Variants in RIN3 observed in about 807,000 individuals in gnomAD.
RIN3 encodes the protein RAB5 interacting protein 3.
Under a neutral mutation model 76.3 loss-of-function variants are expected in RIN3, and 54 were observed. The observed-to-expected ratio is 0.71, with a 90% CI of 0.57 to 0.89. The LOEUF (loss-of-function observed/expected upper bound fraction) is 0.89, where lower values mean the gene tolerates loss of function less well. Ranked by LOEUF, RIN3 falls within the 40% of genes least tolerant of loss-of-function variation. The pLI is 0.00. For missense variants in RIN3, 1,256 were observed against 1,322.1 expected, an observed-to-expected ratio of 0.95 and a Z score of 0.78; for synonymous variants, 576 against 564.0, an observed-to-expected ratio of 1.02 and a Z score of -0.30.
In RIN3 at chr14:92,568,736, C is replaced by G. The variant is rs1004680216; in HGVS notation, c.250-8624C>G. ...GTGAACTCACAGCCTCCAGCCTCCT[C>G]TGCCCCAGGCCAGCGCCTTATCATG... On this transcript the variant is annotated intron_variant, in intron 2 of 9. Transcript: ENST00000216487. The surrounding 1 kb of genome is among the most constrained non-coding windows in gnomAD (Gnocchi z 4.2). Among the ~76,000 whole-genome samples the G allele has an allele frequency of 2.0e-5, 3 of 152,266 alleles. No homozygotes were observed. The highest frequency in any genetic ancestry group is 4.4e-5 in the Non-Finnish European group (3 of 68,040).
chr14:92,665,659 G>A (rs1023783300), intron 7 of RIN3, among the ~76,000 whole-genome samples: 14 of 152,192 alleles, frequency 9.2e-5, no homozygotes, highest in Admixed American at 2.0e-4. Context: ...GGGATTACAA[G>A]CGTGAGCCAC....
Position 92,651,985 on chromosome 14 carries a change from C to A in RIN3, c.936C>A (p.Pro312=). ...CCCCCGCCCCTGCCTGTCCTTTGCC[C>A]ACCTCTCCCCCAGTGCCTGCCCCCC... The part of the protein sequence containing the change: ...ALAPAPACPL[P]TSPPVPAPHV... The change falls in exon 6 of 10, where the codon CCC becomes CCA. Residue 312 remains proline, a synonymous_variant. Coordinates refer to ENST00000216487, the MANE Select transcript of RIN3 (RefSeq NM_024832.5). 1 of 1,533,214 alleles carries A rather than the reference C, an allele frequency of 6.5e-7. No homozygotes were observed. Among genetic ancestry groups the A allele is most frequent in the South Asian group, 1.2e-5 (1 of 86,820 alleles). The allele number at this position is 1,533,214 out of a possible 1,614,324, so 95.0% of individuals were successfully genotyped here.
intron 2 of RIN3, among the ~76,000 whole-genome samples, chr14:92,566,641 A>T (rs8007976): frequency 6.6e-6 from 1 of 152,090 alleles, no homozygotes; most frequent in South Asian, 2.1e-4. Context: ...CTCAGTAAGT[A>T]TCATAGGCAG....
At chr14:92,557,789 G>C (rs74503758) in intron 2 of RIN3, among the ~76,000 whole-genome samples, 20 of 152,356 alleles carry the variant, frequency 1.3e-4, no homozygotes, top group African/African-American at 4.8e-4. Context: ...GTGGTCCCCA[G>C]TTCCCCTGGT....
intron 7 of RIN3, among the ~76,000 whole-genome samples, chr14:92,662,317 A>G (rs1887916747): frequency 6.6e-6 from 1 of 152,206 alleles, no homozygotes; most frequent in East Asian, 1.9e-4. Flanking sequence ...CAGAAAGGAG[A>G]CAGAGCCCCG....
intron 2 of RIN3, among the ~76,000 whole-genome samples, chr14:92,562,222 ATAATC>A (rs1202346853): frequency 6.6e-6 from 1 of 152,236 alleles, no homozygotes; most frequent in Non-Finnish European, 1.5e-5. Flanking sequence ...CACTGGTAAA[ATAATC>A]TAATCACATC....
chr14:92,565,240 T>C (rs922287181), intron 2 of RIN3, among the ~76,000 whole-genome samples: 2 of 152,116 alleles, frequency 1.3e-5, no homozygotes, highest in Non-Finnish European at 2.9e-5. Context: ...CATGGAGCCA[T>C]CCATGAACAC....
At chr14:92,632,745 T>C (rs1886634536) in intron 4 of RIN3, among the ~76,000 whole-genome samples, 1 of 151,980 alleles carries the variant, frequency 6.6e-6, no homozygotes, top group Non-Finnish European at 1.5e-5. Context: ...GTGGCTCTCT[T>C]TGTGGAAGAG....
At chr14:92,534,044 A>G (rs1184124077) in intron 1 of RIN3, among the ~76,000 whole-genome samples, 1 of 152,056 alleles carries the variant, frequency 6.6e-6, no homozygotes, top group Non-Finnish European at 1.5e-5. Flanking sequence ...AGCCAAAAAT[A>G]CTGTTTGGAA....
chr14:92,569,072 C>G (rs1897992268), intron 2 of RIN3, among the ~76,000 whole-genome samples: 1 of 152,250 alleles, frequency 6.6e-6, no homozygotes, highest in Non-Finnish European at 1.5e-5. Context: ...GCCGTTTTAA[C>G]TTCTGCCTCC....
intron 8 of RIN3, among the ~76,000 whole-genome samples, chr14:92,678,837 C>T (rs1888568072): frequency 6.6e-6 from 1 of 152,326 alleles, no homozygotes; most frequent in South Asian, 2.1e-4. Context: ...GGACTTCTAC[C>T]TCATCAGGAC....
chr14:92,673,476 T>C (rs1342372412), intron 7 of RIN3, among the ~76,000 whole-genome samples: 2 of 151,948 alleles, frequency 1.3e-5, no homozygotes, highest in African/African-American at 2.4e-5. Flanking sequence ...TAAAAATTAA[T>C]GCAAAGAAAA....
chr14:92,604,455 T>C (rs1885454047), intron 3 of RIN3, among the ~76,000 whole-genome samples: 1 of 152,196 alleles, frequency 6.6e-6, no homozygotes, highest in South Asian at 2.1e-4. Context: ...CATAAGGACC[T>C]GGGGTGAAAG....
chr14:92,652,878 A>G lies in RIN3; in HGVS notation c.1829A>G (p.Gln610Arg). The change falls in exon 6 of 10, where the codon CAG (glutamine) becomes CGG (arginine). Residue 610 changes from glutamine (Q) to arginine (R), a missense_variant. Coordinates refer to ENST00000216487, the MANE Select transcript of RIN3 (RefSeq NM_024832.5). The surrounding 1 kb of genome is among the most constrained non-coding windows in gnomAD (Gnocchi z 6.4). ...KLYKKVVELAQDKGSYFGSLV... is the reference protein window; with the variant it reads ...KLYKKVVELARDKGSYFGSLV... The stretch of plus-strand genomic sequence containing the variant: ...TACAAGAAGGTGGTGGAGCTGGCGC[A>G]GGACAAGGGCTCGTACTTTGGCAGC... 2 of 1,614,100 alleles carry G rather than the reference A, an allele frequency of 1.2e-6. No homozygotes were observed. The highest frequency in any genetic ancestry group is 1.7e-6 in the Non-Finnish European group (2 of 1,180,036).
intron 1 of RIN3, among the ~76,000 whole-genome samples, chr14:92,546,257 G>A (rs1171727418): frequency 1.3e-5 from 2 of 152,120 alleles, no homozygotes; most frequent in Non-Finnish European, 2.9e-5. Flanking sequence ...TAAATAATAG[G>A]TGTACATATT....
intron 5 of RIN3, among the ~76,000 whole-genome samples, chr14:92,647,351 AAGG>A (rs1887237737): frequency 6.6e-6 from 1 of 152,358 alleles, no homozygotes; most frequent in East Asian, 1.9e-4. Context: ...AAACTAACAT[AAGG>A]AGGAGCAATT....
At chr14:92,619,693 C>T (rs1016900091) in intron 4 of RIN3, among the ~76,000 whole-genome samples, 4 of 152,110 alleles carry the variant, frequency 2.6e-5, no homozygotes, top group Non-Finnish European at 5.9e-5. Context: ...TGCCAAAGTG[C>T]TGGATTACAG....
intron 4 of RIN3, among the ~76,000 whole-genome samples, chr14:92,632,615 G>C (rs1886627440): frequency 6.6e-6 from 1 of 152,222 alleles, no homozygotes; most frequent in African/African-American, 2.4e-5. Flanking sequence ...TGGAACCCAA[G>C]TGTGTGTGAC....
intron 3 of RIN3, among the ~76,000 whole-genome samples, chr14:92,595,513 G>A (rs923017124): frequency 4.0e-5 from 6 of 151,384 alleles, no homozygotes; most frequent in African/African-American, 1.2e-4. Flanking sequence ...ACCTCTGAGC[G>A]CCTCTGAACC....
Sources: allele counts gnomAD v4.1 joint callset (sites outside exome capture counted in the v4.1 genomes callset), GRCh38; gene constraint gnomAD v4.1.1; non-coding constraint Gnocchi (gnomAD v3.1); transcripts MANE v1.5; gene names NCBI Gene and HGNC (gene_info 2026-07-23, HGNC 2026-07-21).